HDAC9: variants seen among roughly 807,000 people sequenced by gnomAD.
HDAC9 encodes the protein histone deacetylase 9, also known as MEF-2 interacting transcription repressor (MITR) protein.
In HDAC9, 41 loss-of-function variants were observed where a neutral mutation model predicts 139.4. That is an observed-to-expected ratio of 0.29 (90% CI 0.23 to 0.38). The LOEUF is 0.38. Among genes scored for constraint, HDAC9 ranks in the 10% least tolerant of loss-of-function variants. HDAC9 has a pLI of 1.00. For missense variants in HDAC9, 1,147 were observed against 1,297.0 expected (o/e 0.88, Z 1.78); for synonymous variants, 517 against 476.2 (o/e 1.09, Z -1.12).
At chr7:18,918,336 G>C (rs1803394140) in intron 22 of HDAC9, among the ~76,000 whole-genome samples, 1 of 151,728 alleles carries the variant, frequency 6.6e-6, no homozygotes. Context: ...CTTGACATGG[G>C]GGGGATGGAG....
chr7:18,828,188 A>C (rs1795593804), intron 17 of HDAC9, among the ~76,000 whole-genome samples: 1 of 152,190 alleles, frequency 6.6e-6, no homozygotes, highest in Admixed American at 6.5e-5. Flanking sequence ...TATGCAGTAA[A>C]AGTTTTGAAA....
intron 12 of HDAC9, among the ~76,000 whole-genome samples, chr7:18,698,055 A>G (rs1264984965): frequency 6.6e-6 from 1 of 152,150 alleles, no homozygotes; most frequent in Non-Finnish European, 1.5e-5. Context: ...TTATGAGAAA[A>G]AGAAGGAAAC....
At chr7:18,513,432 A>C (rs1427068580) in intron 2 of HDAC9, among the ~76,000 whole-genome samples, 1 of 152,212 alleles carries the variant, frequency 6.6e-6, no homozygotes, top group Non-Finnish European at 1.5e-5. Flanking sequence ...AGCTTCACCA[A>C]GTTAGTCACT....
chr7:18,692,734 G>A (rs953769917), intron 12 of HDAC9, among the ~76,000 whole-genome samples: 2 of 151,964 alleles, frequency 1.3e-5, no homozygotes, highest in South Asian at 2.1e-4. Flanking sequence ...TATATAAACA[G>A]GGCTCTGACA....
chr7:18,619,598 A>C (rs577826171), intron 6 of HDAC9, among the ~76,000 whole-genome samples: 1 of 152,228 alleles, frequency 6.6e-6, no homozygotes, highest in East Asian at 1.9e-4. Context: ...ATCTGTGTCT[A>C]TGGGGGCTTA....
chr7:18,735,925 A>G (rs1186182337), intron 13 of HDAC9, among the ~76,000 whole-genome samples: 3 of 152,182 alleles, frequency 2.0e-5, no homozygotes, highest in Non-Finnish European at 4.4e-5. Flanking sequence ...AGTGGTTTGT[A>G]GCTCTCCTTG....
At chr7:18,490,358 G>C (rs189098722) in intron 1 of HDAC9, among the ~76,000 whole-genome samples, 1 of 151,856 alleles carries the variant, frequency 6.6e-6, no homozygotes, top group Non-Finnish European at 1.5e-5. Context: ...ATAAATCTTG[G>C]CTCAACACAT....
intron 1 of HDAC9, among the ~76,000 whole-genome samples, chr7:18,347,561 T>C (rs1326161996): frequency 6.6e-6 from 1 of 152,216 alleles, no homozygotes; most frequent in Non-Finnish European, 1.5e-5. Flanking sequence ...TTAGACCAAG[T>C]TGATAAACTG....
intron 21 of HDAC9, among the ~76,000 whole-genome samples, chr7:18,850,081 T>TAAA (rs11327408): frequency 6.3e-4 from 52 of 82,304 alleles, no homozygotes; most frequent in Non-Finnish European, 1.0e-3. Flanking sequence ...AAAGCCTGAG[T>TAAA]AAAAAAAAAA....
intron 24 of HDAC9, among the ~76,000 whole-genome samples, chr7:18,962,276 T>C (rs1563089184): frequency 6.6e-6 from 1 of 152,140 alleles, no homozygotes; most frequent in South Asian, 2.1e-4. Flanking sequence ...CAGACCTTCA[T>C]TGAAGAAAAG....
intron 1 of HDAC9, among the ~76,000 whole-genome samples, chr7:18,310,202 C>T (rs752242543): frequency 1.8e-4 from 28 of 152,262 alleles, no homozygotes; most frequent in Admixed American, 5.9e-4. Flanking sequence ...GAATGGTTCC[C>T]AGGCTTCCCC....
chr7:18,284,114 C>A (rs1012872223), intron 2 of HDAC9, among the ~76,000 whole-genome samples: 2 of 152,060 alleles, frequency 1.3e-5, no homozygotes, highest in African/African-American at 4.8e-5. Context: ...CCAAATTGTT[C>A]CCATTGGCTT....
chr7:18,675,150 G>T (rs947295622), intron 12 of HDAC9, among the ~76,000 whole-genome samples: 20 of 151,964 alleles, frequency 1.3e-4, no homozygotes, highest in African/African-American at 3.4e-4. Flanking sequence ...CATATTTAAA[G>T]AAAACTTACT....
chr7:18,919,983 CT>C (rs1473548811), intron 22 of HDAC9, among the ~76,000 whole-genome samples: 11 of 152,016 alleles, frequency 7.2e-5, no homozygotes, highest in Admixed American at 7.2e-4. Context: ...AATGCGGGCT[CT>C]TTTTTGGTTC....
chr7:18,901,604 C>T (rs1424834865), intron 22 of HDAC9, among the ~76,000 whole-genome samples: 1 of 152,154 alleles, frequency 6.6e-6, no homozygotes, highest in Non-Finnish European at 1.5e-5. Flanking sequence ...AAATTAACCA[C>T]ATAATTGCTA....
At chr7:18,596,172 G>A (rs10486293) in intron 6 of HDAC9, among the ~76,000 whole-genome samples, 24,476 of 151,910 alleles carry the variant, frequency 0.16, 2,496 homozygotes, top group Non-Finnish European at 0.22. Flanking sequence ...TCTGGCTGTT[G>A]ATCTGTAAAA....
chr7:18,677,529 T>C (rs1781597614), intron 12 of HDAC9, among the ~76,000 whole-genome samples: 1 of 151,942 alleles, frequency 6.6e-6, no homozygotes, highest in African/African-American at 2.4e-5. Context: ...ACACTAAGTA[T>C]AGGTTTAACT....
intron 22 of HDAC9, among the ~76,000 whole-genome samples, chr7:18,909,483 C>T (rs927232227): frequency 8.6e-5 from 13 of 151,908 alleles, no homozygotes; most frequent in African/African-American, 1.9e-4. Context: ...TGTCCCAAAG[C>T]ATTTCCCCTA....
chr7:18,412,707 TA>T (rs1195764732), intron 1 of HDAC9, among the ~76,000 whole-genome samples: 3 of 152,144 alleles, frequency 2.0e-5, no homozygotes, highest in African/African-American at 7.2e-5. Context: ...TTATTCATAA[TA>T]AAAAGTATAT....
Sources: allele counts gnomAD v4.1 joint callset (sites outside exome capture counted in the v4.1 genomes callset), GRCh38; gene constraint gnomAD v4.1.1; transcripts MANE v1.5; gene names NCBI Gene and HGNC (gene_info 2026-07-23, HGNC 2026-07-21).